RHBDL3: variants seen among roughly 807,000 people sequenced by gnomAD.
RHBDL3 encodes rhomboid-related protein 3.
Under a neutral mutation model 48.2 loss-of-function variants are expected in RHBDL3, and 28 were observed. The observed-to-expected ratio is 0.58, with a 90% confidence interval of 0.43 to 0.80. RHBDL3 has a LOEUF of 0.80. Among genes scored for constraint, RHBDL3 ranks in the 30% least tolerant of loss-of-function variants. RHBDL3 has a pLI of 0.00. For missense variants in RHBDL3, 464 were observed against 542.7 expected, an observed-to-expected ratio of 0.85 and a Z score of 1.44; for synonymous variants, 208 against 232.3, an observed-to-expected ratio of 0.90 and a Z score of 0.95.
intron 7 of RHBDL3, among the ~76,000 whole-genome samples, chr17:32,309,745 G>A (rs536382051): frequency 3.4e-4 from 51 of 148,986 alleles, no homozygotes; most frequent in Admixed American, 1.1e-3. Context: ...GATCTGGAAT[G>A]CAAAAAGCCC....
chr17:32,289,092 C>A, intron 4 of RHBDL3, 76 bp downstream of exon 4: 2 of 1,144,856 alleles, frequency 1.7e-6, no homozygotes, highest in Non-Finnish European at 2.6e-6. Flanking sequence ...AAGAGGATGA[C>A]ACACAGATCA....
At chr17:32,318,810 A>G (rs192785111) in intron 8 of RHBDL3, among the ~76,000 whole-genome samples, 6 of 152,234 alleles carry the variant, frequency 3.9e-5, no homozygotes, top group East Asian at 3.9e-4. Context: ...CTCCACTTCA[A>G]TTCACGGAGG....
intron 5 of RHBDL3, among the ~76,000 whole-genome samples, chr17:32,296,163 G>A (rs552976461): frequency 4.2e-4 from 61 of 146,656 alleles, no homozygotes; most frequent in African/African-American, 1.4e-3. Flanking sequence ...AGGAGGCAGA[G>A]CTTGCAGTGA....
intron 4 of RHBDL3, among the ~76,000 whole-genome samples, chr17:32,291,848 T>C (rs1305810844): frequency 6.8e-6 from 1 of 147,896 alleles, no homozygotes; most frequent in East Asian, 2.1e-4. Context: ...CTTGGCTCAC[T>C]GCAACCTCCG....
chr17:32,317,065 G>T (rs2150756927), intron 8 of RHBDL3, among the ~76,000 whole-genome samples: 1 of 151,982 alleles, frequency 6.6e-6, no homozygotes, highest in African/African-American at 2.4e-5. Flanking sequence ...TAAAGACGGG[G>T]TTTCACCATG....
At chr17:32,301,893 G>T (rs528865622) in intron 6 of RHBDL3, among the ~76,000 whole-genome samples, 8 of 115,682 alleles carry the variant, frequency 6.9e-5, no homozygotes, top group African/African-American at 2.4e-4. Context: ...ATTTTTATTT[G>T]GATTTTTTTT....
At chr17:32,294,115 C>T (rs1047448215) in intron 4 of RHBDL3, among the ~76,000 whole-genome samples, 179 bp from the exon 5 acceptor site, 3 of 140,088 alleles carry the variant, frequency 2.1e-5, no homozygotes, top group Non-Finnish European at 4.6e-5. Context: ...ACAACAAGAG[C>T]GAAACTCCAT....
In RHBDL3 at chr17:32,305,400, G is replaced by A. The variant is rs181963320; in HGVS notation, c.841G>A (p.Val281Met). 4.3e-6 allele frequency: 7 copies of A among 1,613,860 alleles called. No individual in the cohort carries two copies. The South Asian group carries it at 4.4e-5, about 10-fold the overall frequency. ...TAPVVGSSGGVYALVSAHLAN... is the reference protein window; with the variant it reads ...TAPVVGSSGGMYALVSAHLAN... ...TCCAGTCGTGGGCTCTTCTGGAGGG[G>A]TGTATGCTCTCGTCTCTGCCCATCT... Residue 281 changes from valine (V) to methionine (M), a missense_variant, in exon 7 of 9, where the codon GTG (valine) becomes ATG (methionine). Val to Met is a conservative substitution (Grantham distance 21). Coordinates refer to ENST00000269051, the MANE Select transcript of RHBDL3 (RefSeq NM_138328.3).
rs572765474 is a variant in RHBDL3, at chr17:32,268,013, G to T, written c.135+88G>T. The stretch of plus-strand genomic sequence containing the variant: ...TGCTTGCGTGGGCTTCCCTAGCTCC[G>T]CGCTCCTGAGATGGTGACGTGGGGT... On this transcript the variant is annotated intron_variant, in intron 2 of 8. Coordinates refer to ENST00000269051, the MANE Select transcript of RHBDL3 (RefSeq NM_138328.3). The T allele has an allele frequency of 8.8e-5, 87 of 994,016 alleles. No homozygotes were observed. The East Asian group carries it at 1.8e-3, about 21-fold the overall frequency. 61.6% of individuals were successfully genotyped at this position (994,016 alleles called of 1,614,324 possible). A position where few individuals can be genotyped will look rare whatever the true frequency, so the allele number is the denominator to read the frequency against.
intron 2 of RHBDL3, among the ~76,000 whole-genome samples, chr17:32,277,709 G>A (rs908648913): frequency 1.3e-5 from 2 of 152,228 alleles, no homozygotes; most frequent in African/African-American, 4.8e-5. Flanking sequence ...CTGAACCAGC[G>A]GCAAAGGGGC....
intron 1 of RHBDL3, 49 bp downstream of exon 1, chr17:32,266,349 GA>G (rs2039629917): frequency 2.8e-5 from 29 of 1,028,526 alleles, no homozygotes; most frequent in East Asian, 3.4e-5. Context: ...GCGCCGGGGG[GA>G]AAAGCCGCCC....
chr17:32,296,775 TTTTTATTTTATTTTA>T (rs140902896), intron 5 of RHBDL3, among the ~76,000 whole-genome samples: 2,213 of 141,170 alleles, frequency 0.016, 61 homozygotes, highest in African/African-American at 0.052. Flanking sequence ...CCGTAGCTCT[TTTTTATTTTATTTTA>T]TTTTATTTTA....
intron 8 of RHBDL3, among the ~76,000 whole-genome samples, chr17:32,316,561 C>G (rs1428334001): frequency 6.6e-6 from 1 of 152,060 alleles, no homozygotes; most frequent in Non-Finnish European, 1.5e-5. Context: ...GTCATCCAGG[C>G]TGCAGTGCAG....
intron 3 of RHBDL3, among the ~76,000 whole-genome samples, chr17:32,285,778 C>A (rs1055997094): frequency 2.0e-5 from 3 of 152,154 alleles, no homozygotes; most frequent in African/African-American, 7.2e-5. Flanking sequence ...AGTGAAATGA[C>A]TTGTGTGAAG....
chr17:32,270,735 C>T lies in RHBDL3; in HGVS notation c.135+2810C>T, dbSNP rs982072901. 3.3e-5 allele frequency among the ~76,000 whole-genome samples: 5 copies of T among 152,208 alleles called. No homozygotes were observed. The East Asian group carries it at 7.7e-4, about 24-fold the overall frequency. ...TGCAGCAGGTGGGAGACCTGAGGGTCATCAGTTCAACTCGGTATGTTCCAT... is the reference window on the plus strand; with the variant it reads ...TGCAGCAGGTGGGAGACCTGAGGGTTATCAGTTCAACTCGGTATGTTCCAT... On this transcript the variant is annotated intron_variant, in intron 2 of 8. Coordinates refer to ENST00000269051, the MANE Select transcript of RHBDL3 (RefSeq NM_138328.3).
intron 7 of RHBDL3, among the ~76,000 whole-genome samples, chr17:32,316,010 T>C (rs559198914): frequency 8.6e-5 from 13 of 151,964 alleles, no homozygotes; most frequent in Non-Finnish European, 1.9e-4. Flanking sequence ...AGATCTGGAG[T>C]CCCTTCCTCT....
chr17:32,299,306 AC>A (rs2040528964), intron 6 of RHBDL3, among the ~76,000 whole-genome samples: 1 of 151,828 alleles, frequency 6.6e-6, no homozygotes, highest in Non-Finnish European at 1.5e-5. Context: ...TAGTGCATGA[AC>A]CCTTGGCCTG....
chr17:32,299,803 T>C (rs2040540986), intron 6 of RHBDL3, among the ~76,000 whole-genome samples: 1 of 152,134 alleles, frequency 6.6e-6, no homozygotes. Flanking sequence ...GCTGTATCAT[T>C]GAGCACATGG....
chr17:32,297,577 C>T (rs552171568), intron 5 of RHBDL3, among the ~76,000 whole-genome samples: 29 of 149,532 alleles, frequency 1.9e-4, no homozygotes, highest in African/African-American at 5.9e-4. Context: ...GTTGTGTCAG[C>T]GTGGCCACTA....
Sources: allele counts gnomAD v4.1 joint callset (sites outside exome capture counted in the v4.1 genomes callset), GRCh38; gene constraint gnomAD v4.1.1; transcripts MANE v1.5; gene names NCBI Gene and HGNC (gene_info 2026-07-23, HGNC 2026-07-21).